The following LPIN2 variants were observed in gnomAD, a reference collection of about 807,000 sequenced individuals.
The protein encoded by LPIN2 is lipin 2.
A neutral mutation model predicts 111.4 loss-of-function variants in LPIN2; 55 were observed. The ratio of observed to expected loss-of-function variants is 0.49; its 90% CI spans 0.40 to 0.62. LPIN2 has a LOEUF of 0.62. Ranked by LOEUF, LPIN2 falls within the 20% of genes least tolerant of loss-of-function variation. LPIN2 has a pLI of 0.00. For missense variants in LPIN2, 992 were observed against 1,112.1 expected, an observed-to-expected ratio of 0.89 and a Z score of 1.54; for synonymous variants, 425 against 414.0, an observed-to-expected ratio of 1.03 and a Z score of -0.32.
intron 4 of LPIN2, among the ~76,000 whole-genome samples, chr18:2,944,726 T>C (rs540466257): frequency 1.1e-4 from 17 of 152,310 alleles, no homozygotes; most frequent in African/African-American, 3.1e-4. Context: ...TCTTTTTATA[T>C]TTAACTAAAG....
chr18:2,950,805 T>G, intron 4 of LPIN2: 1 of 534,496 alleles, frequency 1.9e-6, no homozygotes, highest in South Asian at 2.1e-5. Flanking sequence ...TAGAACTTAT[T>G]TGGCTCCTGG....
In LPIN2 at chr18:2,931,426, G is replaced by A. The variant is rs746301815; in HGVS notation, c.1286C>T (p.Ser429Phe). 3 of 1,595,144 alleles carry A rather than the reference G, an allele frequency of 1.9e-6. No homozygotes were observed. Among genetic ancestry groups the A allele is most frequent in the Non-Finnish European group, 2.6e-6 (3 of 1,170,576 alleles). ...TGTGTCAGACTCGGGCCACTGCCTGGAACCGGGCTCCGATTCACTGTGGAC... is the reference window on the plus strand; with the variant it reads ...TGTGTCAGACTCGGGCCACTGCCTGAAACCGGGCTCCGATTCACTGTGGAC... ...YFPKSESEPG[S>F]RQWPESDTLS... The change falls in exon 9 of 20, where the codon TCC (serine) becomes TTC (phenylalanine). Residue 429 changes from serine to phenylalanine, a missense_variant. Ser to Phe is a radical substitution (Grantham distance 155). Transcript: ENST00000677752.
intron 8 of LPIN2, among the ~76,000 whole-genome samples, chr18:2,933,573 A>G (rs1398289543): frequency 6.6e-6 from 1 of 152,244 alleles, no homozygotes; most frequent in South Asian, 2.1e-4. Context: ...AAATAGCTTT[A>G]TATCAATCCC....
chr18:2,960,790 T>C lies in LPIN2; in HGVS notation c.51A>G (p.Glu17=). The change falls in exon 2 of 20, where the codon GAA becomes GAG. Residue 17 remains glutamate, a synonymous_variant. Coordinates refer to ENST00000677752, the MANE Select transcript of LPIN2 (RefSeq NM_001375808.2). The stretch of plus-strand genomic sequence containing the variant: ...TGGCCTGGTTAATGCCCTTGTAGAG[T>C]TCCTTCACAGTGACAATCACCTGCC... The part of the protein sequence containing the change: ...LAGQVIVTVK[E]LYKGINQATL... 6.2e-7 allele frequency: 1 copy of C among 1,613,884 alleles called. No individual in the cohort carries two copies. Among genetic ancestry groups the C allele is most frequent in the South Asian group, 1.1e-5 (1 of 91,052 alleles).
In LPIN2 at chr18:2,996,693, G is replaced by A. The variant is rs537655286; in HGVS notation, c.-10+16394C>T. Among the ~76,000 whole-genome samples the A allele has an allele frequency of 1.2e-3, 179 of 151,890 alleles. 2 individuals are homozygous for A. The highest frequency in any genetic ancestry group is 0.011 in the South Asian group (53 of 4,808). On this transcript the variant is annotated intron_variant, in intron 1 of 19. Coordinates refer to ENST00000677752, the MANE Select transcript of LPIN2 (RefSeq NM_001375808.2). ...GGGGTTTCACCGTGTTAGCCAGGAT[G>A]GTCTCGATCTCCTGACGTCATGATC...
At chr18:2,973,647 C>A (rs889445510) in intron 1 of LPIN2, among the ~76,000 whole-genome samples, 2 of 152,142 alleles carry the variant, frequency 1.3e-5, no homozygotes, top group African/African-American at 4.8e-5. Context: ...GTTGAGTATC[C>A]CCCTTATCCA....
intron 6 of LPIN2, 49 bp from the exon 7 acceptor site, chr18:2,938,086 T>A (rs2077316368): frequency 7.2e-7 from 1 of 1,387,896 alleles, no homozygotes; most frequent in African/African-American, 1.4e-5. Context: ...AGAGTATTTG[T>A]TATAATCTAT....
intron 1 of LPIN2, among the ~76,000 whole-genome samples, chr18:2,962,021 G>A (rs1218498978): frequency 2.0e-5 from 3 of 152,204 alleles, no homozygotes; most frequent in Non-Finnish European, 2.9e-5. Flanking sequence ...GTGTTGCCAA[G>A]TGAGTCCAAA....
At chr18:2,978,334 A>C (rs1209653667) in intron 1 of LPIN2, among the ~76,000 whole-genome samples, 1 of 152,228 alleles carries the variant, frequency 6.6e-6, no homozygotes, top group Non-Finnish European at 1.5e-5. Flanking sequence ...GGAAGACACC[A>C]CCATAATCAA....
rs148154982 is a variant in LPIN2 at position 2,939,627 on chromosome 18, G to A, written c.699-24C>T. ...TGCTGCAAAGAGAACAAAGACACAC[G>A]ATGACTTGAAAGTCGGGAAACCTTC... On this transcript the variant is annotated intron_variant, in intron 5 of 19. Transcript: ENST00000677752. 1.5e-3 allele frequency: 2,349 copies of A among 1,610,712 alleles called. 56 individuals are homozygous for A. In the Admixed American group the frequency reaches 0.036, roughly 25 times the overall value.
In LPIN2 at chr18:2,989,702, C is replaced by T. The variant is rs1203967039; in HGVS notation, c.-10+23385G>A. ...TTGGGAGGCCAATGCGGGCAGAACA[C>T]TTGAGGTCAGGAGTTCGAGACCAGC... On this transcript the variant is annotated intron_variant, in intron 1 of 19. Coordinates refer to ENST00000677752, the MANE Select transcript of LPIN2 (RefSeq NM_001375808.2). Among the ~76,000 whole-genome samples the T allele has an allele frequency of 4.6e-5, 7 of 152,214 alleles. 1 individual carries two copies. In the South Asian group the frequency reaches 1.5e-3, roughly 32 times the overall value.
chr18:2,976,200 C>G (rs1209550639), intron 1 of LPIN2, among the ~76,000 whole-genome samples: 4 of 152,160 alleles, frequency 2.6e-5, no homozygotes, highest in Non-Finnish European at 4.4e-5. Context: ...TTTAAAATGT[C>G]AAGTAATTAC....
intron 4 of LPIN2, 147 bp from the exon 5 acceptor site, chr18:2,940,859 G>A (rs557872167): frequency 3.0e-6 from 2 of 666,708 alleles, no homozygotes; most frequent in South Asian, 1.6e-5. Flanking sequence ...AAGGAGAAGG[G>A]GGGATACACC....
chr18:2,924,254 T>TG, intron 15 of LPIN2, 144 bp downstream of exon 15: 1 of 944,346 alleles, frequency 1.1e-6, no homozygotes, highest in Non-Finnish European at 1.7e-6. Context: ...TGGACTGTAC[T>TG]GGGGACGCCT....
At position 2,966,730 on chromosome 18, in the gene LPIN2, T is replaced by G. The variant is rs577457763; in HGVS notation, c.-9-5881A>C. Among the ~76,000 whole-genome samples the G allele has an allele frequency of 2.0e-5, 3 of 152,322 alleles. No individual in the cohort carries two copies. The East Asian group carries it at 5.8e-4, about 29-fold the overall frequency. ...TACAGGGAATCCAAAGAAGCCATAC[T>G]TACCCTCCAAGTCTCCTCACACCAC... On this transcript the variant is annotated intron_variant, in intron 1 of 19. Coordinates refer to ENST00000677752, the MANE Select transcript of LPIN2 (RefSeq NM_001375808.2).
chr18:2,939,629 T>TGA, intron 5 of LPIN2, 26 bp from the exon 6 acceptor site: 1 of 1,610,880 alleles, frequency 6.2e-7, no homozygotes, highest in Non-Finnish European at 8.5e-7. Context: ...AGACACACGA[T>TGA]GACTTGAAAG....
chr18:2,960,411 C>T (rs1482161823), intron 2 of LPIN2, among the ~76,000 whole-genome samples: 4 of 151,718 alleles, frequency 2.6e-5, no homozygotes, highest in Non-Finnish European at 5.9e-5. Flanking sequence ...TTCCCTTTCC[C>T]TTGAAGAGAC....
intron 1 of LPIN2, among the ~76,000 whole-genome samples, chr18:2,997,538 T>C (rs2078364437): frequency 6.6e-6 from 1 of 152,186 alleles, no homozygotes; most frequent in Admixed American, 6.5e-5. Context: ...TGCCTATAAC[T>C]CTGCAGTGTG....
rs186202645 is a variant in LPIN2, at chr18:2,946,805, C to T, written c.590+4250G>A. Reference sequence around the variant, plus strand: ...CAAAGACCACTAACTCTGTTAACAACGTCTAGCAGCAACCTTAGCACAGTA... The same window carrying T: ...CAAAGACCACTAACTCTGTTAACAATGTCTAGCAGCAACCTTAGCACAGTA... On this transcript the variant is annotated intron_variant, in intron 4 of 19. Transcript: ENST00000677752. 901 of 442,022 alleles carry T rather than the reference C, an allele frequency of 2.0e-3. 4 individuals are homozygous for T. The highest frequency in any genetic ancestry group is 0.013 in the Middle Eastern group (19 of 1,436). 27.4% of individuals were successfully genotyped at this position (442,022 alleles called of 1,614,324 possible).
Sources: gnomAD v4.1 joint callset for allele counts (sites outside exome capture counted in the v4.1 genomes callset) on GRCh38, gnomAD v4.1.1 for gene constraint, MANE v1.5 for transcripts, NCBI Gene and HGNC (gene_info 2026-07-23, HGNC 2026-07-21) for gene names.